The following NFIA variants were observed in gnomAD, a reference collection of about 807,000 sequenced individuals.
The protein encoded by NFIA is nuclear factor 1 A-type.
In NFIA, 8 loss-of-function variants were observed where a neutral mutation model predicts 62.8. The ratio of observed to expected loss-of-function variants is 0.13; its 90% confidence interval spans 0.07 to 0.23. The LOEUF (loss-of-function observed/expected upper bound fraction) is 0.23. NFIA is among the 10% of genes least tolerant of loss of function. NFIA has a pLI of 1.00. For synonymous variants in NFIA, 235 were observed against 238.1 expected (o/e 0.99, Z 0.12); for missense variants, 410 against 642.1 (o/e 0.64, Z 3.91).
At chr1:61,395,775 G>C (rs536292429) in intron 7 of NFIA, among the ~76,000 whole-genome samples, 41 of 152,162 alleles carry the variant, frequency 2.7e-4, no homozygotes, top group Non-Finnish European at 3.4e-4. Flanking sequence ...ACAAAGGCTG[G>C]GGCTGTATTT....
At chr1:61,111,072 A>G (rs1432813815) in intron 2 of NFIA, among the ~76,000 whole-genome samples, 2 of 152,056 alleles carry the variant, frequency 1.3e-5, no homozygotes, top group Non-Finnish European at 2.9e-5. Flanking sequence ...ATAGGACATA[A>G]TTACTTTCCT....
intron 7 of NFIA, among the ~76,000 whole-genome samples, chr1:61,400,338 A>G (rs1032229082): frequency 2.6e-5 from 4 of 152,238 alleles, no homozygotes; most frequent in Admixed American, 1.3e-4. Context: ...GTTTTAAACA[A>G]GTCTGGCCAC....
chr1:61,094,424 A>G (rs1646376415), intron 2 of NFIA, among the ~76,000 whole-genome samples: 1 of 152,166 alleles, frequency 6.6e-6, no homozygotes, highest in Non-Finnish European at 1.5e-5. Context: ...TCTTCCCACA[A>G]TTTTTTGCAT....
intron 3 of NFIA, among the ~76,000 whole-genome samples, chr1:61,318,194 A>G (rs1459826554): frequency 6.6e-6 from 1 of 152,182 alleles, no homozygotes; most frequent in Non-Finnish European, 1.5e-5. Context: ...TGATAATTAC[A>G]TATTTTACAT....
At chr1:61,343,846 A>G (rs1053914668) in intron 4 of NFIA, among the ~76,000 whole-genome samples, 2 of 152,212 alleles carry the variant, frequency 1.3e-5, no homozygotes, top group African/African-American at 4.8e-5. Context: ...TCATTTTTCT[A>G]ACCCATAACT....
At chr1:61,193,784 T>C (rs1651808100) in intron 2 of NFIA, among the ~76,000 whole-genome samples, 2 of 152,240 alleles carry the variant, frequency 1.3e-5, no homozygotes, top group African/African-American at 4.8e-5. Flanking sequence ...CTTTTTCCTT[T>C]TAACATTTTC....
At chr1:61,440,526 A>T (rs1006262941) in intron 10 of NFIA, among the ~76,000 whole-genome samples, 1 of 152,214 alleles carries the variant, frequency 6.6e-6, no homozygotes, top group African/African-American at 2.4e-5. Context: ...TTCTTTTAAG[A>T]TGAAGAGTGA....
intron 2 of NFIA, among the ~76,000 whole-genome samples, chr1:61,265,509 G>A (rs1657100634): frequency 6.6e-6 from 1 of 152,100 alleles, no homozygotes; most frequent in Admixed American, 6.5e-5. Flanking sequence ...TTATAATATG[G>A]GAAGTCTGTG....
At chr1:61,218,915 T>G (rs1173613065) in intron 2 of NFIA, among the ~76,000 whole-genome samples, 1 of 152,210 alleles carries the variant, frequency 6.6e-6, no homozygotes, top group Non-Finnish European at 1.5e-5. Context: ...AAAACATTTT[T>G]AAACAAAACT....
chr1:61,227,177 C>T (rs1223376286), intron 2 of NFIA, among the ~76,000 whole-genome samples: 1 of 152,188 alleles, frequency 6.6e-6, no homozygotes, highest in Admixed American at 6.5e-5. Flanking sequence ...TTTCCCAAGC[C>T]TGTAGCGACA....
chr1:61,159,461 G>A (rs902820893), intron 2 of NFIA, among the ~76,000 whole-genome samples: 9 of 152,234 alleles, frequency 5.9e-5, no homozygotes, highest in Admixed American at 5.9e-4. Context: ...CTGAGATGCT[G>A]CATTTCTGAC....
At chr1:61,082,509 T>C, upstream of NFIA, 1 of 1,253,494 alleles carries the variant, frequency 8.0e-7, no homozygotes, top group Non-Finnish European at 1.0e-6. Flanking sequence ...GCTATGCCTT[T>C]AACACCCGCG....
chr1:61,234,425 T>C (rs983602176), intron 2 of NFIA, among the ~76,000 whole-genome samples: 1 of 151,884 alleles, frequency 6.6e-6, no homozygotes, highest in African/African-American at 2.4e-5. Context: ...CTTTGTGGTT[T>C]TGAATGCTTG....
At chr1:61,253,689 C>A (rs1557663634) in intron 2 of NFIA, among the ~76,000 whole-genome samples, 2 of 152,102 alleles carry the variant, frequency 1.3e-5, no homozygotes, top group East Asian at 3.8e-4. Context: ...CCCTAATAGC[C>A]AAAGGACTGA....
intron 10 of NFIA, among the ~76,000 whole-genome samples, chr1:61,445,915 G>A (rs1042886103): frequency 6.6e-6 from 1 of 152,076 alleles, no homozygotes; most frequent in Admixed American, 6.5e-5. Context: ...CTAGGATTTA[G>A]ATCTCTGACT....
chr1:61,107,168 G>A (rs898933599), intron 2 of NFIA, among the ~76,000 whole-genome samples: 1 of 151,218 alleles, frequency 6.6e-6, no homozygotes, highest in Non-Finnish European at 1.5e-5. Flanking sequence ...GTTTCTTTAT[G>A]GTATGTGCCT....
At chr1:61,258,728 GTT>G (rs397755464) in intron 2 of NFIA, among the ~76,000 whole-genome samples, 6 of 149,616 alleles carry the variant, frequency 4.0e-5, no homozygotes, top group Non-Finnish European at 8.9e-5. Context: ...AGGAAATGTG[GTT>G]TTTTTTTTAT....
chr1:61,120,004 G>A (rs376720007), intron 2 of NFIA, among the ~76,000 whole-genome samples: 5 of 152,272 alleles, frequency 3.3e-5, no homozygotes, highest in Middle Eastern at 3.4e-3. Flanking sequence ...TGCCCACATC[G>A]CAAAGAAATC....
intron 7 of NFIA, among the ~76,000 whole-genome samples, chr1:61,389,650 ATTAC>A (rs1664869231): frequency 6.6e-6 from 1 of 152,068 alleles, no homozygotes; most frequent in South Asian, 2.1e-4. Context: ...TATTTAAACA[ATTAC>A]TTTGTTTTCA....
Sources: gnomAD v4.1 joint callset for allele counts (sites outside exome capture counted in the v4.1 genomes callset) on GRCh38, gnomAD v4.1.1 for gene constraint, MANE v1.5 for transcripts, NCBI Gene and HGNC (gene_info 2026-07-23, HGNC 2026-07-21) for gene names.